SNTG2: variants seen among roughly 807,000 people sequenced by gnomAD.
SNTG2 encodes gamma-2-syntrophin.
In SNTG2, 74 loss-of-function variants were observed where a neutral mutation model predicts 70.9. The observed-to-expected ratio is 1.04, with a 90% CI of 0.86 to 1.27. SNTG2 has a LOEUF of 1.27. SNTG2 is among the 50% of genes most tolerant of loss of function. The pLI, the probability that SNTG2 is intolerant of heterozygous loss-of-function variation, is 0.00. For synonymous variants in SNTG2, 278 were observed against 273.8 expected, an observed-to-expected ratio of 1.02 and a Z score of -0.15; for missense variants, 717 against 690.7, an observed-to-expected ratio of 1.04 and a Z score of -0.43.
At chr2:1,171,369 G>T (rs949753684) in intron 7 of SNTG2, among the ~76,000 whole-genome samples, 2 of 152,130 alleles carry the variant, frequency 1.3e-5, no homozygotes, top group African/African-American at 4.8e-5. Context: ...TGTCTCCTTT[G>T]TCTATAGCAT....
At position 1,071,020 on chromosome 2, in the gene SNTG2, G is replaced by A. The variant is rs530358733; in HGVS notation, c.73-12498G>A. Among the ~76,000 whole-genome samples the A allele has an allele frequency of 1.9e-3, 285 of 152,264 alleles. 2 individuals are homozygous for A. The highest frequency in any genetic ancestry group is 3.9e-3 in the Admixed American group (60 of 15,300). Reference sequence around the variant, plus strand: ...ATTCAATGCGTTGGCAATACTGGGGGGTGGCCACACTCGACGCAGGCAGTG... The same window carrying A: ...ATTCAATGCGTTGGCAATACTGGGGAGTGGCCACACTCGACGCAGGCAGTG... On this transcript the variant is annotated intron_variant, in intron 1 of 16. Transcript: ENST00000308624.
chr2:1,053,018 T>C (rs1413972097), intron 1 of SNTG2, among the ~76,000 whole-genome samples: 2 of 152,202 alleles, frequency 1.3e-5, no homozygotes, highest in African/African-American at 4.8e-5. Flanking sequence ...CTGTTATCTT[T>C]TTCTGGTAGT....
chr2:1,364,737 CAAA>C lies in SNTG2; in HGVS notation c.1489-2585_1489-2583del, dbSNP rs371977526. On this transcript the variant is annotated intron_variant, in intron 16 of 16. Transcript: ENST00000308624. Reference sequence around the variant, plus strand: ...GAAACACCATCTCTACTAAAAATACCAAAAAAAAAAAAAAAAAAAAAAATTAGC... The same window carrying C: ...GAAACACCATCTCTACTAAAAATACCAAAAAAAAAAAAAAAAAAAATTAGC... Among the ~76,000 whole-genome samples, 4 of 132,014 alleles carry C rather than the reference CAAA, an allele frequency of 3.0e-5. No homozygotes were observed. The South Asian group carries it at 7.5e-4, about 25-fold the overall frequency. 86.6% of individuals were successfully genotyped at this position (132,014 alleles called of 152,430 possible).
At chr2:1,269,507 T>G (rs1678910608) in intron 14 of SNTG2, among the ~76,000 whole-genome samples, 1 of 151,394 alleles carries the variant, frequency 6.6e-6, no homozygotes, top group Non-Finnish European at 1.5e-5. Flanking sequence ...GGCCACAGAG[T>G]GAGACCCTGT....
At chr2:1,255,903 T>A (rs1297178186) in intron 12 of SNTG2, among the ~76,000 whole-genome samples, 3 of 91,528 alleles carry the variant, frequency 3.3e-5, no homozygotes, top group Admixed American at 2.6e-4. Flanking sequence ...TAAATATATA[T>A]ATAAATATAT....
intron 16 of SNTG2, among the ~76,000 whole-genome samples, chr2:1,360,428 T>C (rs1448915178): frequency 6.6e-6 from 1 of 152,112 alleles, no homozygotes; most frequent in Non-Finnish European, 1.5e-5. Context: ...CTCTCTGGGG[T>C]GTGTTCCTTC....
intron 6 of SNTG2, among the ~76,000 whole-genome samples, chr2:1,139,201 A>C (rs1668589906): frequency 6.6e-6 from 1 of 151,996 alleles, no homozygotes; most frequent in South Asian, 2.1e-4. Context: ...AATTCTTGTG[A>C]GCAACAGTTT....
intron 4 of SNTG2, among the ~76,000 whole-genome samples, chr2:1,117,721 G>C (rs1312332065): frequency 1.3e-5 from 2 of 152,206 alleles, no homozygotes; most frequent in African/African-American, 4.8e-5. Context: ...CCAGGGCATG[G>C]AGTCCTCACT....
chr2:1,182,482 T>C (rs1013344013), intron 8 of SNTG2, among the ~76,000 whole-genome samples: 3 of 151,142 alleles, frequency 2.0e-5, no homozygotes, highest in Non-Finnish European at 4.4e-5. Context: ...ATAGAACAGA[T>C]GAGAAACTTG....
rs116139942 is a variant in SNTG2 at position 1,194,575 on chromosome 2, C to T, written c.592-14528C>T. ...TTCAACTAAGATTTCTTAGTGATGT[C>T]GTGTTGCCGCCTGCAATAGTTAAAT... is the stretch of plus-strand genomic sequence containing the variant. On this transcript the variant is annotated intron_variant, in intron 8 of 16. Transcript: ENST00000308624. 8.7e-3 allele frequency among the ~76,000 whole-genome samples: 1,318 copies of T among 152,156 alleles called. 14 individuals are homozygous for T. Among genetic ancestry groups the T allele is most frequent in the African/African-American group, 0.029 (1,211 of 41,502 alleles).
chr2:1,049,811 G>A (rs1661953601), intron 1 of SNTG2, among the ~76,000 whole-genome samples: 1 of 152,188 alleles, frequency 6.6e-6, no homozygotes, highest in Admixed American at 6.5e-5. Flanking sequence ...ATTTGGTATT[G>A]TCAGTGTTTT....
intron 4 of SNTG2, among the ~76,000 whole-genome samples, chr2:1,116,209 T>C (rs1666955834): frequency 6.6e-6 from 1 of 151,254 alleles, no homozygotes; most frequent in African/African-American, 2.4e-5. Flanking sequence ...GCTTTCTTTC[T>C]GAGAAGCAGA....
At chr2:1,174,249 T>G (rs1052623424) in intron 8 of SNTG2, among the ~76,000 whole-genome samples, 2 of 151,706 alleles carry the variant, frequency 1.3e-5, no homozygotes, top group African/African-American at 2.4e-5. Flanking sequence ...CATCCTGAAT[T>G]TTGTGTTTGT....
At chr2:1,262,065 A>G (rs1480428290) in intron 13 of SNTG2, among the ~76,000 whole-genome samples, 2 of 152,160 alleles carry the variant, frequency 1.3e-5, no homozygotes, top group African/African-American at 4.8e-5. Context: ...TTCCTAAATG[A>G]TTTTCCTAAA....
At chr2:1,187,323 C>A (rs1306202407) in intron 8 of SNTG2, among the ~76,000 whole-genome samples, 1 of 152,168 alleles carries the variant, frequency 6.6e-6, no homozygotes, top group Non-Finnish European at 1.5e-5. Context: ...ATTAACAGAT[C>A]AGTGCTTTCG....
Position 1,017,370 on chromosome 2 carries a change from GAC to G in SNTG2, c.73-66143_73-66142del, listed in dbSNP as rs748765906. Among the ~76,000 whole-genome samples, 16 of 152,288 alleles carry G rather than the reference GAC, an allele frequency of 1.1e-4. No individual in the cohort carries two copies. The East Asian group carries it at 2.3e-3, about 22-fold the overall frequency. ...TTTTAAAATTATATACACACATGCAGACACACGTATACACACATACACATGCA... is the reference window on the plus strand; with the variant it reads ...TTTTAAAATTATATACACACATGCAGACACGTATACACACATACACATGCA... On this transcript the variant is annotated intron_variant, in intron 1 of 16. Coordinates refer to ENST00000308624, the MANE Select transcript of SNTG2 (RefSeq NM_018968.4).
At chr2:1,281,252 GT>G (rs1207446921) in intron 14 of SNTG2, among the ~76,000 whole-genome samples, 1 of 5,090 alleles carries the variant, frequency 2.0e-4, no homozygotes, top group African/African-American at 9.4e-4. Flanking sequence ...TGTGGTGTGT[GT>G]GTGGTGGTAT....
At chr2:1,203,673 A>AATATATAT (rs534989970) in intron 8 of SNTG2, among the ~76,000 whole-genome samples, 8 of 115,512 alleles carry the variant, frequency 6.9e-5, no homozygotes, top group Middle Eastern at 3.7e-3. Flanking sequence ...CAAAAAAAAA[A>AATATATAT]ATATATATAT....
intron 16 of SNTG2, among the ~76,000 whole-genome samples, chr2:1,318,920 C>G (rs1681407874): frequency 6.6e-6 from 1 of 152,172 alleles, no homozygotes; most frequent in South Asian, 2.1e-4. Flanking sequence ...CTGTCATCCC[C>G]GGGGCTCAGG....
Sources: allele counts gnomAD v4.1 joint callset (sites outside exome capture counted in the v4.1 genomes callset), GRCh38; gene constraint gnomAD v4.1.1; transcripts MANE v1.5; gene names NCBI Gene and HGNC (gene_info 2026-07-23, HGNC 2026-07-21).